The following TRMT11 variants were observed in gnomAD, a reference collection of about 807,000 sequenced individuals.
TRMT11 encodes the protein tRNA (guanine(10)-N(2))-methyltransferase TRMT11.
Under a neutral mutation model 62.8 loss-of-function variants are expected in TRMT11, and 53 were observed. The observed-to-expected ratio is 0.84, with a 90% confidence interval of 0.68 to 1.06. TRMT11 has a LOEUF of 1.06. Among genes scored for constraint, TRMT11 ranks in the 50% least tolerant of loss-of-function variants. The pLI is 0.00. For missense variants in TRMT11, 556 were observed against 553.4 expected (o/e 1.00, Z -0.05); for synonymous variants, 188 against 190.3 (o/e 0.99, Z 0.10).
At chr6:126,230,454 T>C in the TRMT11 span, among the ~76,000 whole-genome samples, 6 of 152,216 alleles carry the variant, frequency 3.9e-5, no homozygotes, top group Non-Finnish European at 1.5e-5. Context: ...TCTCAGAGCA[T>C]GCTTAAGTTC....
chr6:126,076,439 G>A (rs1337691363), intron 17 of TRMT11, among the ~76,000 whole-genome samples: 1 of 152,164 alleles, frequency 6.6e-6, no homozygotes, highest in African/African-American at 2.4e-5. Context: ...AATTTGGATG[G>A]CATTGATAGA....
At chr6:126,228,200 A>T in the TRMT11 span, among the ~76,000 whole-genome samples, 2 of 152,062 alleles carry the variant, frequency 1.3e-5, no homozygotes, top group Admixed American at 1.3e-4. Context: ...GTCTGCTGGG[A>T]TTTTCACTAA....
chr6:126,079,782 A>G (rs776437083), intron 17 of TRMT11, among the ~76,000 whole-genome samples: 3 of 152,206 alleles, frequency 2.0e-5, no homozygotes, highest in Non-Finnish European at 4.4e-5. Context: ...GATCACCAGC[A>G]TCCTTGCAAA....
At chr6:126,082,842 C>T (rs1225212548) in intron 17 of TRMT11, among the ~76,000 whole-genome samples, 5 of 151,940 alleles carry the variant, frequency 3.3e-5, no homozygotes, top group East Asian at 1.9e-4. Flanking sequence ...ATACAATAAG[C>T]GTCACTGAAA....
intron 17 of TRMT11, among the ~76,000 whole-genome samples, chr6:126,081,855 A>T (rs971250626): frequency 3.3e-5 from 5 of 152,126 alleles, no homozygotes; most frequent in African/African-American, 1.2e-4. Flanking sequence ...GCAAATAGGG[A>T]TGCTGTTTGG....
chr6:126,013,567 T>A (rs1009908701), intron 11 of TRMT11, among the ~76,000 whole-genome samples: 1 of 152,210 alleles, frequency 6.6e-6, no homozygotes, highest in African/African-American at 2.4e-5. Flanking sequence ...AGCCTCCTTC[T>A]TTTCATCAAC....
chr6:126,133,446 T>G (rs1471787000), intron 21 of TRMT11, among the ~76,000 whole-genome samples: 1 of 152,010 alleles, frequency 6.6e-6, no homozygotes, highest in Non-Finnish European at 1.5e-5. Context: ...TTTTCTCTCC[T>G]TGCCAGTCTT....
intron 21 of TRMT11, among the ~76,000 whole-genome samples, chr6:126,139,641 T>C (rs1014643703): frequency 6.6e-6 from 1 of 152,170 alleles, no homozygotes; most frequent in Admixed American, 6.6e-5. Context: ...AGTGCTGGGA[T>C]TACAGGTGTG....
the TRMT11 span, among the ~76,000 whole-genome samples, chr6:126,224,197 G>A: frequency 2.0e-5 from 3 of 152,190 alleles, no homozygotes; most frequent in East Asian, 3.9e-4. Context: ...TAGTGCAGTC[G>A]TTGGAAGGTA....
At chr6:126,132,818 C>T (rs535150453) in intron 21 of TRMT11, among the ~76,000 whole-genome samples, 53 of 152,102 alleles carry the variant, frequency 3.5e-4, no homozygotes, top group Admixed American at 3.3e-3. Flanking sequence ...GTTGGTTGTA[C>T]TGTAGTAGAA....
intron 1 of TRMT11, among the ~76,000 whole-genome samples, chr6:126,197,528 G>T (rs189060042): frequency 1.1e-4 from 16 of 152,124 alleles, no homozygotes; most frequent in African/African-American, 3.9e-4. Flanking sequence ...TCACTTTATG[G>T]GAGGTTATTA....
chr6:126,101,756 G>A (rs1003841832), intron 17 of TRMT11, among the ~76,000 whole-genome samples: 1 of 152,228 alleles, frequency 6.6e-6, no homozygotes, highest in African/African-American at 2.4e-5. Context: ...TTGAGAGAAA[G>A]GCCATTCTTC....
downstream of TRMT11, among the ~76,000 whole-genome samples, chr6:126,043,904 T>G (rs1329555740): frequency 1.3e-5 from 2 of 151,946 alleles, no homozygotes; most frequent in African/African-American, 2.4e-5. Context: ...TGGGGTCGTT[T>G]GTTTTTTTCT....
At chr6:126,242,607 C>G in the TRMT11 span, among the ~76,000 whole-genome samples, 1 of 152,164 alleles carries the variant, frequency 6.6e-6, no homozygotes, top group Non-Finnish European at 1.5e-5. Flanking sequence ...TGGAACAGAA[C>G]AGAGCCCTCA....
At chr6:126,167,636 T>G (rs1001182871) in intron 21 of TRMT11, among the ~76,000 whole-genome samples, 1 of 152,192 alleles carries the variant, frequency 6.6e-6, no homozygotes, top group African/African-American at 2.4e-5. Context: ...AAATAAAGTA[T>G]GGGAATCAGT....
intron 21 of TRMT11, among the ~76,000 whole-genome samples, chr6:126,147,565 A>T (rs1232606158): frequency 6.6e-6 from 1 of 152,136 alleles, no homozygotes; most frequent in Non-Finnish European, 1.5e-5. Context: ...TCGTCCATGT[A>T]TTAAGGAATT....
At chr6:126,147,518 G>A (rs925242482) in intron 21 of TRMT11, among the ~76,000 whole-genome samples, 4 of 152,126 alleles carry the variant, frequency 2.6e-5, no homozygotes, top group African/African-American at 7.2e-5. Context: ...TGCATTCCAC[G>A]AACCAGGAAA....
intron 1 of TRMT11, among the ~76,000 whole-genome samples, chr6:126,194,549 T>C (rs1045234797): frequency 7.2e-5 from 11 of 152,208 alleles, no homozygotes; most frequent in African/African-American, 2.7e-4. Flanking sequence ...TAGAATGGAC[T>C]ACCAAACTTT....
At chr6:126,103,239 T>C (rs188737811) in intron 17 of TRMT11, among the ~76,000 whole-genome samples, 1 of 152,342 alleles carries the variant, frequency 6.6e-6, no homozygotes, top group East Asian at 1.9e-4. Context: ...ATGATATTGT[T>C]TAATTTTGTT....
Sources: allele counts gnomAD v4.1 joint callset (sites outside exome capture counted in the v4.1 genomes callset), GRCh38; gene constraint gnomAD v4.1.1; transcripts MANE v1.5; gene names NCBI Gene and HGNC (gene_info 2026-07-23, HGNC 2026-07-21).